The following LARGE1 variants were observed in gnomAD, a reference collection of about 807,000 sequenced individuals.
LARGE1 encodes the protein xylosyl- and glucuronyltransferase LARGE1.
In LARGE1, 43 loss-of-function variants were observed where a neutral mutation model predicts 87.6. The ratio of observed to expected loss-of-function variants is 0.49; its 90% CI spans 0.38 to 0.63. The LOEUF (loss-of-function observed/expected upper bound fraction) is 0.63. LARGE1 is among the 30% of genes least tolerant of loss of function. LARGE1 has a pLI of 0.00. For synonymous variants in LARGE1, 434 were observed against 394.6 expected (o/e 1.10, Z -1.18); for missense variants, 802 against 1,000.2 (o/e 0.80, Z 2.67).
rs187143476 is a variant in LARGE1, at chr22:33,910,297, A to G, written c.-83+9698T>C. Among the ~76,000 whole-genome samples the G allele has an allele frequency of 3.2e-3, 488 of 152,306 alleles. 2 individuals are homozygous for G. Among genetic ancestry groups the G allele is most frequent in the Non-Finnish European group, 4.1e-3 (281 of 68,026 alleles). On this transcript the variant is annotated intron_variant, in intron 1 of 14. Transcript: ENST00000397394. ...CTTTCATAGATATAAGGATGGGTGT[A>G]ACGTACTCACAGCCTCTAATACCTA...
chr22:33,484,092 G>A lies in LARGE1; in HGVS notation c.788-51827C>T, dbSNP rs2069460360. On this transcript the variant is annotated intron_variant, in intron 6 of 14. Transcript: ENST00000397394. ...TGTACACGTGACACCTTCTAAAGCT[G>A]CACCTCACCAAATACACAAAGAGCC... Among the ~76,000 whole-genome samples, 4 of 152,276 alleles carry A rather than the reference G, an allele frequency of 2.6e-5. No individual in the cohort carries two copies. In the South Asian group the frequency reaches 8.3e-4, roughly 32 times the overall value.
intron 2 of LARGE1, chr22:33,746,338 A>C (rs2084083338): frequency 6.6e-6 from 1 of 152,220 alleles, no homozygotes; most frequent in South Asian, 2.1e-4. Context: ...ATGTACAATA[A>C]ATGCTCCATA....
the LARGE1 span, among the ~76,000 whole-genome samples, chr22:33,089,388 C>CT: frequency 1.1e-4 from 7 of 66,458 alleles, no homozygotes; most frequent in Admixed American, 1.7e-4. Flanking sequence ...CTTCTTCTTC[C>CT]TCTTCTTCTT....
chr22:33,118,116 A>C, the LARGE1 span, among the ~76,000 whole-genome samples: 1 of 152,208 alleles, frequency 6.6e-6, no homozygotes, highest in African/African-American at 2.4e-5. Context: ...GTGGGGACAC[A>C]CATCCAAACT....
intron 2 of LARGE1, among the ~76,000 whole-genome samples, chr22:33,717,296 T>C (rs2082941587): frequency 6.6e-6 from 1 of 152,196 alleles, no homozygotes; most frequent in Admixed American, 6.5e-5. Context: ...CTAGAACTAT[T>C]GGGAGGCATA....
At chr22:33,859,354 G>C (rs1354583775) in intron 1 of LARGE1, among the ~76,000 whole-genome samples, 1 of 152,174 alleles carries the variant, frequency 6.6e-6, no homozygotes, top group Non-Finnish European at 1.5e-5. Flanking sequence ...GGAAAAGGTA[G>C]AAATGACACT....
the LARGE1 span, among the ~76,000 whole-genome samples, chr22:33,092,959 A>T: frequency 6.6e-6 from 1 of 152,142 alleles, no homozygotes; most frequent in African/African-American, 2.4e-5. Flanking sequence ...TTTATACTAG[A>T]ATGATTTATA....
intron 1 of LARGE1, among the ~76,000 whole-genome samples, chr22:33,842,311 G>C (rs576629159): frequency 8.8e-4 from 134 of 152,224 alleles, no homozygotes; most frequent in African/African-American, 3.1e-3. Flanking sequence ...AAGCAGTAGG[G>C]CATTTTTTAA....
the LARGE1 span, among the ~76,000 whole-genome samples, chr22:33,122,398 G>T: frequency 1.4e-5 from 2 of 138,232 alleles, 1 homozygote; most frequent in South Asian, 4.6e-4. Context: ...CACTCTTGTC[G>T]CCCAGGCTGG....
chr22:33,137,896 TG>T, the LARGE1 span, among the ~76,000 whole-genome samples: 1 of 151,904 alleles, frequency 6.6e-6, no homozygotes. Context: ...GCTGTAGGGG[TG>T]GGGTCCTCAT....
intron 5 of LARGE1, among the ~76,000 whole-genome samples, chr22:33,603,180 GA>G: frequency 6.6e-6 from 1 of 152,292 alleles, no homozygotes; most frequent in African/African-American, 2.4e-5. Context: ...GTGAAAATCA[GA>G]AACTCTGGCT....
intron 9 of LARGE1, among the ~76,000 whole-genome samples, chr22:33,346,415 G>A (rs958671212): frequency 4.6e-5 from 7 of 151,938 alleles, no homozygotes; most frequent in Admixed American, 2.6e-4. Flanking sequence ...CGATTCTCCC[G>A]CCTCAGCCTC....
At chr22:33,626,723 G>C (rs1486925137) in intron 3 of LARGE1, among the ~76,000 whole-genome samples, 2 of 152,214 alleles carry the variant, frequency 1.3e-5, no homozygotes, top group African/African-American at 2.4e-5. Flanking sequence ...TTATGGCTCA[G>C]AGAGTTAGTG....
chr22:33,869,623 AGCACTC>A (rs1162038369), intron 1 of LARGE1, among the ~76,000 whole-genome samples: 5 of 152,178 alleles, frequency 3.3e-5, no homozygotes, highest in Non-Finnish European at 7.3e-5. Flanking sequence ...AACCGTGGGA[AGCACTC>A]GCATGTCCAG....
intron 6 of LARGE1, among the ~76,000 whole-genome samples, chr22:33,454,615 C>CT (rs1369553889): frequency 1.8e-4 from 19 of 107,150 alleles, no homozygotes; most frequent in African/African-American, 7.2e-4. Flanking sequence ...AAGACTCTGT[C>CT]TAAAAAAAAA....
At chr22:33,263,732 A>C (rs1487256520) in intron 11 of LARGE1, among the ~76,000 whole-genome samples, 1 of 152,224 alleles carries the variant, frequency 6.6e-6, no homozygotes, top group African/African-American at 2.4e-5. Context: ...GTTTGAAGCC[A>C]CTTCATCTGT....
At chr22:33,287,719 C>A (rs1158370312) in intron 12 of LARGE1, among the ~76,000 whole-genome samples, 4 of 152,202 alleles carry the variant, frequency 2.6e-5, no homozygotes, top group Non-Finnish European at 5.9e-5. Context: ...AATGCAGAGT[C>A]TTCCAGGAAC....
chr22:33,324,268 A>AC (rs386395261), intron 10 of LARGE1, among the ~76,000 whole-genome samples: 13 of 132,460 alleles, frequency 9.8e-5, no homozygotes, highest in Non-Finnish European at 1.4e-4. Flanking sequence ...AGCCAAAAAA[A>AC]CAAAAACAAA....
intron 10 of LARGE1, among the ~76,000 whole-genome samples, chr22:33,335,822 G>A (rs764438542): frequency 1.1e-4 from 17 of 152,132 alleles, no homozygotes; most frequent in Non-Finnish European, 2.2e-4. Context: ...CAGACTAAAC[G>A]TCACCTCCTC....
Sources: gnomAD v4.1 joint callset for allele counts (sites outside exome capture counted in the v4.1 genomes callset) on GRCh38, gnomAD v4.1.1 for gene constraint, MANE v1.5 for transcripts, NCBI Gene and HGNC (gene_info 2026-07-23, HGNC 2026-07-21) for gene names.